Variants in MPRIP observed in about 807,000 individuals in gnomAD.
MPRIP encodes the protein myosin phosphatase Rho-interacting protein.
Under a neutral mutation model 234.9 loss-of-function variants are expected in MPRIP, and 59 were observed. That is an observed-to-expected ratio of 0.25 (90% confidence interval 0.20 to 0.31). The LOEUF (loss-of-function observed/expected upper bound fraction) is 0.31, where lower values mean the gene tolerates loss of function less well. Ranked by LOEUF, MPRIP falls within the 10% of genes least tolerant of loss-of-function variation. The pLI is 1.00. For missense variants in MPRIP, 2,436 were observed against 3,071.0 expected (o/e 0.79, Z 4.89); for synonymous variants, 1,144 against 1,263.9 (o/e 0.91, Z 2.01).
chr17:17,151,094 C>A (rs2045592829), intron 12 of MPRIP, among the ~76,000 whole-genome samples: 1 of 151,672 alleles, frequency 6.6e-6, no homozygotes, highest in South Asian at 2.1e-4. Context: ...GGGTTTTGAA[C>A]CCCTGGGCTC....
chr17:17,146,123 G>C (rs1384983129), intron 10 of MPRIP, 31 bp downstream of exon 10: 1 of 1,602,742 alleles, frequency 6.2e-7, no homozygotes, highest in African/African-American at 1.3e-5. Context: ...TGGCCCCTGA[G>C]GGATCTGGGG....
chr17:17,125,432 A>T (rs2090472493), intron 3 of MPRIP, among the ~76,000 whole-genome samples: 1 of 152,254 alleles, frequency 6.6e-6, no homozygotes, highest in Non-Finnish European at 1.5e-5. Flanking sequence ...GAAAAGAGCC[A>T]GCAGCCATGT....
intron 3 of MPRIP, among the ~76,000 whole-genome samples, chr17:17,125,274 G>A (rs898368129): frequency 1.3e-4 from 20 of 152,232 alleles, no homozygotes; most frequent in Admixed American, 7.2e-4. Flanking sequence ...TGCTGAAAGG[G>A]TGAAGCCACT....
At chr17:17,093,395 G>A (rs892031817) in intron 3 of MPRIP, among the ~76,000 whole-genome samples, 1 of 152,148 alleles carries the variant, frequency 6.6e-6, no homozygotes, top group Non-Finnish European at 1.5e-5. Flanking sequence ...TTGACCTGAG[G>A]ACCTTGGGAG....
chr17:17,107,709 C>T (rs112950740), intron 3 of MPRIP, among the ~76,000 whole-genome samples: 6 of 152,186 alleles, frequency 3.9e-5, no homozygotes, highest in African/African-American at 1.2e-4. Flanking sequence ...ACTCTGATGG[C>T]GGGGGAAACC....
At chr17:17,139,288 C>G (rs373530759) in intron 7 of MPRIP, among the ~76,000 whole-genome samples, 1 of 152,240 alleles carries the variant, frequency 6.6e-6, no homozygotes, top group African/African-American at 2.4e-5. Context: ...CATCTGTATA[C>G]TGAGGCTTTG....
intron 13 of MPRIP, among the ~76,000 whole-genome samples, chr17:17,156,232 G>A (rs887948322): frequency 6.6e-6 from 1 of 152,226 alleles, no homozygotes; most frequent in Non-Finnish European, 1.5e-5. Context: ...CAGGAGAGGC[G>A]CCTCCACGCT....
At chr17:17,070,059 A>C (rs2089156301) in intron 1 of MPRIP, among the ~76,000 whole-genome samples, 1 of 152,220 alleles carries the variant, frequency 6.6e-6, no homozygotes, top group South Asian at 2.1e-4. Context: ...TTTCAGCACC[A>C]GAAAAGTAGT....
At chr17:17,125,177 C>G (rs1204629226) in intron 3 of MPRIP, among the ~76,000 whole-genome samples, 4 of 152,276 alleles carry the variant, frequency 2.6e-5, no homozygotes, top group Non-Finnish European at 5.9e-5. Context: ...GGCCACTCCA[C>G]TGATGGAGAG....
In MPRIP at chr17:17,166,854, G is replaced by C. The variant is rs2046010918; in HGVS notation, c.5263G>C (p.Gly1755Arg). 1 of 1,304,154 alleles carries C rather than the reference G, an allele frequency of 7.7e-7. No individual in the cohort carries two copies. Among genetic ancestry groups the C allele is most frequent in the Non-Finnish European group, 1.0e-6 (1 of 988,956 alleles). 80.8% of individuals were successfully genotyped at this position (1,304,154 alleles called of 1,614,324 possible). ...CCTGAGCCCCTTAGGAGAAGTCCTGGGCCGAGACTCAGACAGCTCTCAGGA... is the reference window on the plus strand; with the variant it reads ...CCTGAGCCCCTTAGGAGAAGTCCTGCGCCGAGACTCAGACAGCTCTCAGGA... ...WDLSPLGEVL[G>R]RDSDSSQEPF... The change falls in exon 16 of 24, where the codon GGC becomes CGC. Residue 1755 changes from glycine (G) to arginine (R), a missense_variant. Gly to Arg is a moderately radical substitution (Grantham distance 125, BLOSUM62 -2). Transcript: ENST00000651222. This position sits in a 1 kb window ranked among gnomAD's most constrained non-coding sequence, Gnocchi z 4.4.
chr17:17,131,818 C>A, intron 5 of MPRIP, 117 bp downstream of exon 5: 1 of 866,196 alleles, frequency 1.2e-6, no homozygotes, highest in Non-Finnish European at 1.9e-6. Flanking sequence ...GAGGCAGTCA[C>A]CAACTCTGCA....
At chr17:17,097,132 C>T (rs1202801749) in intron 3 of MPRIP, 1 of 194,526 alleles carries the variant, frequency 5.1e-6, no homozygotes, top group African/African-American at 2.3e-5. Context: ...CAGTGATTCC[C>T]CCACCTAATG....
intron 12 of MPRIP, among the ~76,000 whole-genome samples, chr17:17,151,413 C>T (rs190056177): frequency 5.4e-4 from 82 of 152,268 alleles, no homozygotes; most frequent in Non-Finnish European, 5.9e-5. Context: ...GTCCTCTTAG[C>T]CCTGATGTGG....
At chr17:17,066,523 G>A (rs2089028881) in intron 1 of MPRIP, among the ~76,000 whole-genome samples, 1 of 151,906 alleles carries the variant, frequency 6.6e-6, no homozygotes, top group Non-Finnish European at 1.5e-5. Flanking sequence ...ATATATTGCT[G>A]AATTCTATTT....
At position 17,184,919 on chromosome 17, in the gene MPRIP, G is replaced by C. The variant is rs375717628; in HGVS notation, c.*25G>C. ...GGTGTGTCCCATCCAAGTTGAGCAC[G>C]CGCCTTCCCCAGCTTGCAGCAGCAC... On this transcript the variant is annotated 3_prime_UTR_variant, in exon 24 of 24. Transcript: ENST00000651222. The C allele has an allele frequency of 2.6e-6, 4 of 1,567,504 alleles. No homozygotes were observed. In the African/African-American group the frequency reaches 5.4e-5, roughly 21 times the overall value.
chr17:17,134,454 T>A (rs1356242377), intron 5 of MPRIP, among the ~76,000 whole-genome samples: 1 of 152,128 alleles, frequency 6.6e-6, no homozygotes, highest in Non-Finnish European at 1.5e-5. Context: ...TTGGAGCCCT[T>A]GGGAAACTTG....
At chr17:17,059,497 C>T (rs9906028) in intron 1 of MPRIP, among the ~76,000 whole-genome samples, 65,007 of 152,124 alleles carry the variant, frequency 0.43, 16,614 homozygotes, top group East Asian at 0.7. Context: ...TTCCAGGCTG[C>T]GCCGCTGCCT....
intron 3 of MPRIP, among the ~76,000 whole-genome samples, chr17:17,101,653 A>G (rs1431382537): frequency 6.6e-6 from 1 of 152,264 alleles, no homozygotes; most frequent in African/African-American, 2.4e-5. Flanking sequence ...AACATTAAAC[A>G]GTAGTGTAGA....
intron 1 of MPRIP, among the ~76,000 whole-genome samples, chr17:17,073,051 C>A (rs1389202724): frequency 6.6e-6 from 1 of 152,164 alleles, no homozygotes; most frequent in East Asian, 1.9e-4. Flanking sequence ...AACATTACAT[C>A]ATCGCCAAAA....
Sources: allele counts gnomAD v4.1 joint callset (sites outside exome capture counted in the v4.1 genomes callset), GRCh38; gene constraint gnomAD v4.1.1; non-coding constraint Gnocchi (gnomAD v3.1); transcripts MANE v1.5; gene names NCBI Gene and HGNC (gene_info 2026-07-23, HGNC 2026-07-21).